The following SPOPL variants were observed in gnomAD, a reference collection of about 807,000 sequenced individuals.
SPOPL encodes the protein speckle type BTB/POZ protein like.
A neutral mutation model predicts 53.8 loss-of-function variants in SPOPL; 23 were observed. The ratio of observed to expected loss-of-function variants is 0.43; its 90% confidence interval spans 0.31 to 0.61. The LOEUF (loss-of-function observed/expected upper bound fraction) is 0.61, where lower values mean the gene tolerates loss of function less well. Ranked by LOEUF, SPOPL falls within the 20% of genes least tolerant of loss-of-function variation. The pLI is 0.12. For synonymous variants in SPOPL, 164 were observed against 149.7 expected, an observed-to-expected ratio of 1.10 and a Z score of -0.70; for missense variants, 442 against 466.9, an observed-to-expected ratio of 0.95 and a Z score of 0.49.
chr2:138,505,132 T>C, intron 1 of SPOPL, among the ~76,000 whole-genome samples: 1 of 152,152 alleles, frequency 6.6e-6, no homozygotes. Flanking sequence ...TTCTTCACCT[T>C]TCTGAATATC....
chr2:138,540,723 A>G (rs1377716736), intron 1 of SPOPL, among the ~76,000 whole-genome samples: 2 of 152,274 alleles, frequency 1.3e-5, no homozygotes, highest in African/African-American at 4.8e-5. Flanking sequence ...TCCTAATTGG[A>G]TACCCTTTAT....
intron 1 of SPOPL, among the ~76,000 whole-genome samples, chr2:138,539,123 C>A (rs1184371631): frequency 6.6e-6 from 1 of 152,204 alleles, no homozygotes; most frequent in African/African-American, 2.4e-5. Flanking sequence ...TGTATATGTG[C>A]CACATTCTCT....
At chr2:138,507,042 G>C (rs545644357) in intron 1 of SPOPL, among the ~76,000 whole-genome samples, 15 of 152,264 alleles carry the variant, frequency 9.9e-5, no homozygotes, top group African/African-American at 3.6e-4. Flanking sequence ...GTGGCCAGTT[G>C]AATATTTTGA....
chr2:138,530,830 T>C (rs2104873261), intron 1 of SPOPL, among the ~76,000 whole-genome samples: 1 of 152,218 alleles, frequency 6.6e-6, no homozygotes, highest in Non-Finnish European at 1.5e-5. Flanking sequence ...CTTAAGGTAC[T>C]GGATAGGACC....
chr2:138,555,461 A>AT (rs553891894), intron 5 of SPOPL, among the ~76,000 whole-genome samples: 2,164 of 150,352 alleles, frequency 0.014, 35 homozygotes, highest in African/African-American at 0.039. Flanking sequence ...CTGTCACCAG[A>AT]TTTTTTTTTT....
chr2:138,518,017 C>A (rs1573871834), intron 1 of SPOPL, among the ~76,000 whole-genome samples: 1 of 135,734 alleles, frequency 7.4e-6, no homozygotes. Flanking sequence ...CATTGCACTC[C>A]AGCCTGGGCA....
Position 138,570,020 on chromosome 2 carries a change from G to T in SPOPL, c.*940G>T, listed in dbSNP as rs1391527964. The T allele has an allele frequency of 6.6e-6, 1 of 152,630 alleles. No homozygotes were observed. Among genetic ancestry groups the T allele is most frequent in the African/African-American group, 2.4e-5 (1 of 41,566 alleles). 9.5% of individuals were successfully genotyped at this position (152,630 alleles called of 1,614,324 possible). ...ATTAATTGTGTCTTAACTTTTCAAA[G>T]AAATTTTTAGATGGAGGCAACTGGG... On this transcript the variant is annotated 3_prime_UTR_variant, in exon 11 of 11. Transcript: ENST00000280098.
intron 1 of SPOPL, among the ~76,000 whole-genome samples, chr2:138,517,943 A>C (rs9917309): frequency 6.6e-6 from 1 of 151,072 alleles, no homozygotes; most frequent in East Asian, 2.0e-4. Flanking sequence ...AGCAACTTGC[A>C]GGGCTGAGGC....
At chr2:138,560,781 T>G (rs1685528510) in intron 7 of SPOPL, 24 bp from the exon 8 acceptor site, 1 of 1,569,612 alleles carries the variant, frequency 6.4e-7, no homozygotes, top group Non-Finnish European at 8.6e-7. Flanking sequence ...TTTTTAACAT[T>G]TTTGTGTTGT....
At chr2:138,507,600 T>G (rs1356387469) in intron 1 of SPOPL, among the ~76,000 whole-genome samples, 1 of 152,172 alleles carries the variant, frequency 6.6e-6, no homozygotes, top group African/African-American at 2.4e-5. Flanking sequence ...GCAGAGGAGT[T>G]TAAAGAAATG....
intron 5 of SPOPL, chr2:138,554,472 C>T (rs1573903112): frequency 3.1e-6 from 4 of 1,283,454 alleles, no homozygotes; most frequent in Non-Finnish European, 4.1e-6. Flanking sequence ...GAGGAGGAAG[C>T]ATTGCACTAC....
chr2:138,521,182 A>G (rs1684548741), intron 1 of SPOPL, among the ~76,000 whole-genome samples: 1 of 152,220 alleles, frequency 6.6e-6, no homozygotes, highest in Admixed American at 6.5e-5. Context: ...GGTGATGTTG[A>G]GTAAATCTTA....
chr2:138,564,037 A>C (rs1573910655), intron 8 of SPOPL, among the ~76,000 whole-genome samples: 1 of 152,238 alleles, frequency 6.6e-6, no homozygotes, highest in East Asian at 1.9e-4. Context: ...CATTTATAGA[A>C]AACTCCAGAA....
Position 138,564,987 on chromosome 2 carries a change from A to G in SPOPL, c.1028A>G (p.Asn343Ser). 1 of 1,614,068 alleles carries G rather than the reference A, an allele frequency of 6.2e-7. No individual in the cohort carries two copies. ...GGGTGTAAAGATGGGAAAAACTGGA[A>G]CAGCAAGTAAGATGACATCAGTTTC... Reference protein sequence around the residue: ...QLGCKDGKNWNSNQATDIMET... With the variant: ...QLGCKDGKNWSSNQATDIMET... The change falls in exon 10 of 11, where the codon AAC becomes AGC. Residue 343 changes from asparagine (N) to serine (S), a missense_variant. Asn to Ser is a conservative substitution (Grantham distance 46). Coordinates refer to ENST00000280098, the MANE Select transcript of SPOPL (RefSeq NM_001001664.3).
rs1319810444 is a variant in SPOPL, at chr2:138,501,825, C to G, written c.-355C>G. The G allele has an allele frequency of 6.5e-6, 1 of 152,700 alleles. No individual in the cohort carries two copies. The highest frequency in any genetic ancestry group is 1.5e-5 in the Non-Finnish European group (1 of 68,194). The allele number at this position is 152,700 out of a possible 1,614,324, so 9.5% of individuals were successfully genotyped here. A position where few individuals can be genotyped will look rare whatever the true frequency, so the allele number is the denominator to read the frequency against. ...GAGTCGTAACTCGGAAGCCGGAGCC[C>G]AGACGGGCCCGCGGCGGGGGGGTGG... On this transcript the variant is annotated 5_prime_UTR_variant, in exon 1 of 11. Transcript: ENST00000280098.
At chr2:138,502,355 A>G (rs563228196) in intron 1 of SPOPL, among the ~76,000 whole-genome samples, 4 of 152,120 alleles carry the variant, frequency 2.6e-5, no homozygotes, top group Admixed American at 2.6e-4. Context: ...GTTGCCCCCA[A>G]TCCCTCCTTG....
chr2:138,545,167 A>C (rs1558874049), intron 1 of SPOPL, among the ~76,000 whole-genome samples: 1 of 152,154 alleles, frequency 6.6e-6, no homozygotes, highest in African/African-American at 2.4e-5. Flanking sequence ...CCTTCAGGGA[A>C]TTGCCAGACT....
At chr2:138,553,028 T>A (rs933929577) in intron 5 of SPOPL, among the ~76,000 whole-genome samples, 6 of 152,198 alleles carry the variant, frequency 3.9e-5, no homozygotes, top group Non-Finnish European at 7.4e-5. Context: ...TTTTAAAAAA[T>A]TTTCAGATTG....
rs1685281987 is a variant in SPOPL, at chr2:138,550,140, A to G, written c.-60-17A>G. ...TTAAACTTTTTAATCAGTACATCAAACTTCTTTCCTTTGTAGGTAAGGTAC... is the reference window on the plus strand; with the variant it reads ...TTAAACTTTTTAATCAGTACATCAAGCTTCTTTCCTTTGTAGGTAAGGTAC... On this transcript the variant is annotated splice_polypyrimidine_tract_variant and intron_variant, in intron 1 of 10. Coordinates refer to ENST00000280098, the MANE Select transcript of SPOPL (RefSeq NM_001001664.3). The G allele has an allele frequency of 7.3e-7, 1 of 1,367,072 alleles. No individual in the cohort carries two copies. Among genetic ancestry groups the G allele is most frequent in the Admixed American group, 1.8e-5 (1 of 56,040 alleles). The allele number at this position is 1,367,072 out of a possible 1,614,324, so 84.7% of individuals were successfully genotyped here.
Sources: gnomAD v4.1 joint callset for allele counts (sites outside exome capture counted in the v4.1 genomes callset) on GRCh38, gnomAD v4.1.1 for gene constraint, MANE v1.5 for transcripts, NCBI Gene and HGNC (gene_info 2026-07-23, HGNC 2026-07-21) for gene names.